The following EQTN variants were observed in gnomAD, a reference collection of about 807,000 sequenced individuals.
EQTN encodes Acrosome formation associated factor.
A neutral mutation model predicts 26.9 loss-of-function variants in EQTN; 29 were observed. That is an observed-to-expected ratio of 1.08 (90% CI 0.80 to 1.47). EQTN has a LOEUF of 1.47. Among genes scored for constraint, EQTN ranks in the 40% most tolerant of loss-of-function variants. The probability of loss-of-function intolerance (pLI) is 0.00; values close to 1 mark genes in which losing one functional copy is unlikely to be tolerated. For synonymous variants in EQTN, 129 were observed against 120.0 expected (o/e 1.07, Z -0.49); for missense variants, 391 against 346.1 (o/e 1.13, Z -1.03).
rs527451403 is a variant in EQTN, at chr9:27,285,456, T to C, written c.636-484A>G. On this transcript the variant is annotated intron_variant, in intron 7 of 7. Coordinates refer to ENST00000380032, the MANE Select transcript of EQTN (RefSeq NM_020641.3). ...CACGCCCGGCCTAGTTTTTCTTTCA[T>C]TGTAATTTGATTCTATGTAACACTT... Among the ~76,000 whole-genome samples, 36 of 152,268 alleles carry C rather than the reference T, an allele frequency of 2.4e-4. 1 individual carries two copies. In the South Asian group the frequency reaches 7.3e-3, roughly 31 times the overall value.
intron 6 of EQTN, among the ~76,000 whole-genome samples, chr9:27,286,889 C>T (rs1235980155): frequency 6.6e-6 from 1 of 152,058 alleles, no homozygotes; most frequent in Non-Finnish European, 1.5e-5. Context: ...GCTAGTTTTG[C>T]CATTTTATTA....
At position 27,296,740 on chromosome 9, in the gene EQTN, TA is replaced by T. The variant is rs768793415; in HGVS notation, c.77-3del. The T allele has an allele frequency of 2.6e-5, 41 of 1,594,096 alleles. No homozygotes were observed. The highest frequency in any genetic ancestry group is 1.5e-4 in the Admixed American group (8 of 54,882). On this transcript the variant is annotated splice_polypyrimidine_tract_variant and splice_region_variant and intron_variant, in intron 1 of 7. Coordinates refer to ENST00000380032, the MANE Select transcript of EQTN (RefSeq NM_020641.3). ...TTAAAGGTAGCACATTAGGCAATGC[TA>T]AAAAAAAGTATCACACACCATAGAT... is the stretch of plus-strand genomic sequence containing the variant.
rs1820079730 is a variant in EQTN, at chr9:27,284,712, C to T, written c.*11G>A. ...ATCAATAAGATTTCTTCACCGGGTT[C>T]CTTGATTTCTTCACCGGGTAACCGA... On this transcript the variant is annotated 3_prime_UTR_variant, in exon 8 of 8. Transcript: ENST00000380032. 6.2e-7 allele frequency: 1 copy of T among 1,604,290 alleles called. No individual in the cohort carries two copies. Among genetic ancestry groups the T allele is most frequent in the African/African-American group, 1.3e-5 (1 of 74,448 alleles).
rs1055958027 is a variant in EQTN, at chr9:27,294,256, C to T, written c.289+60G>A. On this transcript the variant is annotated intron_variant, in intron 3 of 7. Coordinates refer to ENST00000380032, the MANE Select transcript of EQTN (RefSeq NM_020641.3). ...TTTTCTCCCCAACAGTCTCTTATTG[C>T]TGTTTTGAAATCCTGCTTTAATGGC... 7.7e-6 allele frequency: 9 copies of T among 1,175,392 alleles called. No homozygotes were observed. In the Admixed American group the frequency reaches 1.6e-4, roughly 21 times the overall value. The allele number at this position is 1,175,392 out of a possible 1,614,324, so 72.8% of individuals were successfully genotyped here. A position where few individuals can be genotyped will look rare whatever the true frequency, so the allele number is the denominator to read the frequency against.
In EQTN at chr9:27,296,181, T is replaced by C. The variant is rs985634580; in HGVS notation, c.202+432A>G. ...AGCTTGGTGTGATGGCATGTGCCTA[T>C]AGTTCCAGCTACTCGGAAGGCTGAG... On this transcript the variant is annotated intron_variant, in intron 2 of 7. Transcript: ENST00000380032. Among the ~76,000 whole-genome samples, 6 of 152,298 alleles carry C rather than the reference T, an allele frequency of 3.9e-5. No individual in the cohort carries two copies. In the East Asian group the frequency reaches 1.2e-3, roughly 29 times the overall value.
intron 6 of EQTN, 111 bp from the exon 7 acceptor site, chr9:27,286,473 T>A: frequency 9.4e-7 from 1 of 1,058,314 alleles, no homozygotes; most frequent in Non-Finnish European, 1.4e-6. Flanking sequence ...TCCAGAGTAT[T>A]AACTGGCCGG....
intron 6 of EQTN, 147 bp downstream of exon 6, chr9:27,289,525 T>C: frequency 1.9e-6 from 1 of 538,544 alleles, no homozygotes; most frequent in South Asian, 3.0e-5. Context: ...ATTTTTGTAT[T>C]TTTTGTAGAG....
At chr9:27,291,129 T>C in intron 4 of EQTN, 66 bp from the exon 5 acceptor site, 1 of 1,399,570 alleles carries the variant, frequency 7.1e-7, no homozygotes, top group Non-Finnish European at 9.7e-7. Flanking sequence ...AATAATTTAG[T>C]TTGAGGAACA....
chr9:27,291,139 A>G (rs1396973945), intron 4 of EQTN, 76 bp from the exon 5 acceptor site: 1 of 1,334,348 alleles, frequency 7.5e-7, no homozygotes, highest in Non-Finnish European at 1.0e-6. Flanking sequence ...TTTGAGGAAC[A>G]TTCGTTTGTT....
Position 27,294,345 on chromosome 9 carries a change from G to T in EQTN, c.260C>A (p.Thr87Lys), listed in dbSNP as rs768432218. Residue 87 changes from threonine to lysine, a missense_variant, in exon 3 of 8, where the codon ACA becomes AAA. Physicochemically the swap from Thr to Lys is moderately conservative, Grantham distance 78. Coordinates refer to ENST00000380032, the MANE Select transcript of EQTN (RefSeq NM_020641.3). ...TTTTAGAGCAAAATTCAGGTCAGTT[G>T]TGGCTCTCACAGATATTTCAGACTC... ...GTESEISVRA[T>K]TDLNFALKND... 4 of 1,609,850 alleles carry T rather than the reference G, an allele frequency of 2.5e-6. No individual in the cohort carries two copies. The Admixed American group carries it at 6.7e-5, about 27-fold the overall frequency.
chr9:27,294,288 A>G (rs1190307803), intron 3 of EQTN, 28 bp downstream of exon 3: 2 of 1,515,468 alleles, frequency 1.3e-6, no homozygotes, highest in Non-Finnish European at 1.8e-6. Flanking sequence ...TGGCTTTTAC[A>G]TGTGCAATGG....
intron 3 of EQTN, among the ~76,000 whole-genome samples, 156 bp from the exon 4 acceptor site, chr9:27,292,643 A>C (rs187433084): frequency 1.2e-4 from 19 of 152,338 alleles, no homozygotes. Context: ...CCAGAAATAA[A>C]GGAGAAAGAA....
intron 4 of EQTN, 45 bp from the exon 5 acceptor site, chr9:27,291,108 C>A (rs558775670): frequency 6.6e-7 from 1 of 1,520,064 alleles, no homozygotes; most frequent in Admixed American, 2.1e-5. Context: ...AAGAAAACAA[C>A]AGGATAACAA....
At chr9:27,288,222 T>TA (rs1820159643) in intron 6 of EQTN, among the ~76,000 whole-genome samples, 1 of 151,902 alleles carries the variant, frequency 6.6e-6, no homozygotes, top group African/African-American at 2.4e-5. Flanking sequence ...AGGACAGAGG[T>TA]TTTTTTTGGG....
Position 27,289,726 on chromosome 9 carries a change from T to C in EQTN, c.427A>G (p.Asn143Asp). 2 of 1,602,438 alleles carry C rather than the reference T, an allele frequency of 1.2e-6. No homozygotes were observed. Among genetic ancestry groups the C allele is most frequent in the Non-Finnish European group, 1.7e-6 (2 of 1,173,630 alleles). ...TCATCCATGACCACTGCTGTTCCAT[T>C]TATAGCTGTTAAAACAAATTGGGGT... The part of the protein sequence containing the change: ...AFWTMLAKAI[N>D]GTAVVMDDKD... The change falls in exon 6 of 8, where the codon AAT becomes GAT. Residue 143 changes from asparagine (N) to aspartate (D), a missense_variant. Asn to Asp is a conservative substitution (Grantham distance 23). Coordinates refer to ENST00000380032, the MANE Select transcript of EQTN (RefSeq NM_020641.3).
At chr9:27,292,566 T>C (rs1820259196) in intron 3 of EQTN, 79 bp from the exon 4 acceptor site, 1 of 764,434 alleles carries the variant, frequency 1.3e-6, no homozygotes, top group Non-Finnish European at 2.1e-6. Flanking sequence ...TTAATATCTA[T>C]TAAATGGATA....
In EQTN at chr9:27,286,366, A is replaced by G; in HGVS notation, c.482-4T>C. ...TGTGTAGCATTCACATCAGACTCTGAAAAGAAAGAGAATGCAGTGGAAAAT... is the reference window on the plus strand; with the variant it reads ...TGTGTAGCATTCACATCAGACTCTGGAAAGAAAGAGAATGCAGTGGAAAAT... On this transcript the variant is annotated splice_region_variant and splice_polypyrimidine_tract_variant and intron_variant, in intron 6 of 7. Transcript: ENST00000380032. 6.3e-7 allele frequency: 1 copy of G among 1,583,392 alleles called. No individual in the cohort carries two copies. Among genetic ancestry groups the G allele is most frequent in the Non-Finnish European group, 8.6e-7 (1 of 1,163,182 alleles).
chr9:27,293,765 C>T (rs150074491), intron 3 of EQTN, among the ~76,000 whole-genome samples: 51 of 152,170 alleles, frequency 3.4e-4, no homozygotes, highest in African/African-American at 1.1e-3. Flanking sequence ...TAATATAAGC[C>T]CTTGGAATGT....
chr9:27,285,277 G>A (rs1820097138), intron 7 of EQTN, among the ~76,000 whole-genome samples: 2 of 151,276 alleles, frequency 1.3e-5, no homozygotes, highest in South Asian at 4.2e-4. Flanking sequence ...CCGAGTAGCT[G>A]GGACTACAGG....
Sources: allele counts gnomAD v4.1 joint callset (sites outside exome capture counted in the v4.1 genomes callset), GRCh38; gene constraint gnomAD v4.1.1; transcripts MANE v1.5; gene names NCBI Gene and HGNC (gene_info 2026-07-23, HGNC 2026-07-21).